Variants in CARMIL3 observed in about 807,000 individuals in gnomAD.
CARMIL3 encodes the protein capping protein regulator and myosin 1 linker 3, also known as capping protein, Arp2/3 and myosin-I linker protein 3.
In CARMIL3, 88 loss-of-function variants were observed where a neutral mutation model predicts 180.8. The observed-to-expected ratio is 0.49, with a 90% confidence interval of 0.41 to 0.58. The LOEUF is 0.58. Ranked by LOEUF, CARMIL3 falls within the 20% of genes least tolerant of loss-of-function variation. The pLI is 0.00. For missense variants in CARMIL3, 1,548 were observed against 1,787.0 expected (o/e 0.87, Z 2.41); for synonymous variants, 696 against 714.5 (o/e 0.97, Z 0.41).
Position 24,061,503 on chromosome 14 carries a change from C to T in CARMIL3, c.2311C>T (p.Leu771=). ...TCCCTTTCCCCCATACTAGGTGATCCTGGAGTCCATGGTCAGCCTGACACA... is the reference window on the plus strand; with the variant it reads ...TCCCTTTCCCCCATACTAGGTGATCTTGGAGTCCATGGTCAGCCTGACACA... The part of the protein sequence containing the change: ...KAVDKELQVI[L]ESMVSLTQEL... Residue 771 remains leucine, a synonymous_variant, in exon 27 of 40, where the codon CTG becomes TTG. Transcript: ENST00000342740. The surrounding 1 kb of genome is among the most constrained non-coding windows in gnomAD (Gnocchi z 4.1). The T allele has an allele frequency of 6.2e-7, 1 of 1,612,754 alleles. No homozygotes were observed. Among genetic ancestry groups the T allele is most frequent in the Non-Finnish European group, 8.5e-7 (1 of 1,179,218 alleles).
At position 24,054,860 on chromosome 14, in the gene CARMIL3, G is replaced by T; in HGVS notation, c.460+52G>T. On this transcript the variant is annotated intron_variant, in intron 6 of 39. Coordinates refer to ENST00000342740, the MANE Select transcript of CARMIL3 (RefSeq NM_138360.4). This position sits in a 1 kb window ranked among gnomAD's most constrained non-coding sequence, Gnocchi z 5.1. Reference sequence around the variant, plus strand: ...TAGGCGCTCCACCATCTTGCCCCATGATCAGAGCCCTTTGTGCACAGGGTG... The same window carrying T: ...TAGGCGCTCCACCATCTTGCCCCATTATCAGAGCCCTTTGTGCACAGGGTG... The T allele has an allele frequency of 6.4e-7, 1 of 1,564,396 alleles. No homozygotes were observed.
Position 24,057,192 on chromosome 14 carries a change from C to A in CARMIL3, c.1088C>A (p.Pro363His). 6.2e-7 allele frequency: 1 copy of A among 1,614,022 alleles called. No homozygotes were observed. The highest frequency in any genetic ancestry group is 2.2e-5 in the East Asian group (1 of 44,878). ...GCCCTCTACAGTTTCCTGGCCCAAC[C>A]CAACGCCCTGGTGCACCTGGACCTG... ...ANALYSFLAQ[P>H]NALVHLDLSG... The change falls in exon 14 of 40, where the codon CCC becomes CAC. Residue 363 changes from proline (P) to histidine (H), a missense_variant. This residue lies in a region of CARMIL3 where 578 missense variants were observed against 666.5 expected (regional missense o/e 0.87). Transcript: ENST00000342740.
rs2035729790 is a variant in CARMIL3, at chr14:24,061,210, G to A, written c.2304+170G>A. 3 of 668,174 alleles carry A rather than the reference G, an allele frequency of 4.5e-6. No individual in the cohort carries two copies. Among genetic ancestry groups the A allele is most frequent in the African/African-American group, 1.8e-5 (1 of 55,200 alleles). 41.4% of individuals were successfully genotyped at this position (668,174 alleles called of 1,614,324 possible). On this transcript the variant is annotated intron_variant, in intron 26 of 39. Transcript: ENST00000342740. The surrounding 1 kb of genome is among the most constrained non-coding windows in gnomAD (Gnocchi z 4.1). ...AAGGCATTGCTGCAATATCAGGCTT[G>A]GATTTTTTTCTGCTAGCTTTGATGT...
At chr14:24,060,531 A>G in intron 24 of CARMIL3, 97 bp from the exon 25 acceptor site, 3 of 1,520,772 alleles carry the variant, frequency 2.0e-6, no homozygotes, top group South Asian at 2.5e-5. Flanking sequence ...CACCTCCACC[A>G]CTGTCGGTGC....
chr14:24,065,830 TG>T, intron 34 of CARMIL3, 80 bp downstream of exon 34: 9 of 1,556,928 alleles, frequency 5.8e-6, no homozygotes, highest in Non-Finnish European at 3.5e-6. Context: ...CCCTCATCCC[TG>T]GTGGTTCAGT....
Position 24,064,990 on chromosome 14 carries a change from G to A in CARMIL3, c.3113G>A (p.Gly1038Glu). ...CGGACTCTGAGGACCGTGCGGCCAG[G>A]ACTCTCGGAGGCACCGCTGCCTCCA... ...YPRTLRTVRP[G>E]LSEAPLPPLQ... is the part of the protein sequence containing the mutation. Residue 1038 changes from glycine to glutamate, a missense_variant, in exon 33 of 40, where the codon GGA (glycine) becomes GAA (glutamate). Coordinates refer to ENST00000342740, the MANE Select transcript of CARMIL3 (RefSeq NM_138360.4). The A allele has an allele frequency of 1.9e-6, 3 of 1,612,306 alleles. No homozygotes were observed. Among genetic ancestry groups the A allele is most frequent in the Non-Finnish European group, 2.5e-6 (3 of 1,179,642 alleles).
rs745407848 is a variant in CARMIL3, at chr14:24,062,751, G to A, written c.2611G>A (p.Gly871Arg). ...TQLRTLSDPP[G>R]CPGQGQDLSS... ...GCTAAGGACGCTGTCAGATCCACCA[G>A]GGTGCCCAGGCCAAGGGCAGGATCT... Residue 871 changes from glycine (G) to arginine (R), a missense_variant, in exon 29 of 40, where the codon GGG becomes AGG. Physicochemically the swap from Gly to Arg is moderately radical, Grantham distance 125 (BLOSUM62 -2). Coordinates refer to ENST00000342740, the MANE Select transcript of CARMIL3 (RefSeq NM_138360.4). 2 of 1,613,454 alleles carry A rather than the reference G, an allele frequency of 1.2e-6. No individual in the cohort carries two copies. The highest frequency in any genetic ancestry group is 1.3e-5 in the African/African-American group (1 of 75,062).
In CARMIL3 at chr14:24,060,715, T is replaced by C. The variant is rs2035724243; in HGVS notation, c.2149T>C (p.Tyr717His). 2.5e-6 allele frequency: 4 copies of C among 1,614,068 alleles called. No homozygotes were observed. In the East Asian group the frequency reaches 8.9e-5, roughly 36 times the overall value. Reference sequence around the variant, plus strand: ...GGAGCCTGTGCAGGATGAGCTACTCTACGCTCGGGACCTCATCAAAGATGC... The same window carrying C: ...GGAGCCTGTGCAGGATGAGCTACTCCACGCTCGGGACCTCATCAAAGATGC... ...PLEPVQDELL[Y>H]ARDLIKDAKN... Residue 717 changes from tyrosine (Y) to histidine (H), a missense_variant, in exon 25 of 40, where the codon TAC (tyrosine) becomes CAC (histidine). Tyr to His is a moderately conservative substitution (Grantham distance 83, BLOSUM62 2). Transcript: ENST00000342740.
intron 24 of CARMIL3, 40 bp downstream of exon 24, chr14:24,060,295 A>C (rs779704009): frequency 2.2e-5 from 35 of 1,604,028 alleles, no homozygotes; most frequent in Non-Finnish European, 3.0e-5. Flanking sequence ...TACCCGGGGC[A>C]TGCAGGGCAC....
chr14:24,059,802 C>T lies in CARMIL3; in HGVS notation c.1868+70C>T. 1.3e-6 allele frequency: 2 copies of T among 1,568,628 alleles called. No individual in the cohort carries two copies. The highest frequency in any genetic ancestry group is 1.1e-5 in the South Asian group (1 of 89,858). ...CTGTGCCTGGATCAGGCCTGAACTA[C>T]TCTTGCCCCACCCTAGCCCCTTTGA... On this transcript the variant is annotated intron_variant, in intron 22 of 39. Transcript: ENST00000342740. This position sits in a 1 kb window ranked among gnomAD's most constrained non-coding sequence, Gnocchi z 6.3.
chr14:24,067,990 A>C (rs1451970448), intron 36 of CARMIL3, among the ~76,000 whole-genome samples: 1 of 152,262 alleles, frequency 6.6e-6, no homozygotes, highest in African/African-American at 2.4e-5. Flanking sequence ...CTGCCCCAGC[A>C]GGAAAGGGGT....
chr14:24,062,306 G>A lies in CARMIL3; in HGVS notation c.2481-174G>A, dbSNP rs1234714819. The A allele has an allele frequency of 1.0e-5, 7 of 667,850 alleles. No homozygotes were observed. In the East Asian group the frequency reaches 1.8e-4, roughly 17 times the overall value. 41.4% of individuals were successfully genotyped at this position (667,850 alleles called of 1,614,324 possible). On this transcript the variant is annotated intron_variant, in intron 27 of 39. Coordinates refer to ENST00000342740, the MANE Select transcript of CARMIL3 (RefSeq NM_138360.4). ...GGGGTGGGACTAGACGTGTATTTGT[G>A]GAGAAATGAGTGTCAAGGGCTAGGC...
Position 24,061,391 on chromosome 14 carries a change from C to T in CARMIL3, c.2305-106C>T, listed in dbSNP as rs1345060157. ...ACAGTTTTGTGACTTAGGCAGGTCC[C>T]TCAGTCTCAGCAGGAGGGGCTGGAA... On this transcript the variant is annotated intron_variant, in intron 26 of 39. Coordinates refer to ENST00000342740, the MANE Select transcript of CARMIL3 (RefSeq NM_138360.4). This position sits in a 1 kb window ranked among gnomAD's most constrained non-coding sequence, Gnocchi z 4.1. 8.3e-7 allele frequency: 1 copy of T among 1,205,380 alleles called. No homozygotes were observed. The highest frequency in any genetic ancestry group is 1.5e-5 in the African/African-American group (1 of 65,198). 74.7% of individuals were successfully genotyped at this position (1,205,380 alleles called of 1,614,324 possible).
intron 1 of CARMIL3, 69 bp downstream of exon 1, chr14:24,052,262 G>A (rs2035624464): frequency 6.8e-7 from 1 of 1,479,310 alleles, no homozygotes; most frequent in Non-Finnish European, 9.1e-7. Flanking sequence ...GTTCCTCCCC[G>A]TGGTGCATCC....
At position 24,063,833 on chromosome 14, in the gene CARMIL3, G is replaced by A. The variant is rs1304454908; in HGVS notation, c.2979+300G>A. On this transcript the variant is annotated intron_variant, in intron 31 of 39. Coordinates refer to ENST00000342740, the MANE Select transcript of CARMIL3 (RefSeq NM_138360.4). The stretch of plus-strand genomic sequence containing the variant: ...TAGGTGAGCTGGGCATGGTGGCTCA[G>A]GCCTGTAATCCCAGCACTTTGGGAG... Among the ~76,000 whole-genome samples the A allele has an allele frequency of 9.9e-5, 15 of 152,164 alleles. No individual in the cohort carries two copies. The South Asian group carries it at 2.7e-3, about 27-fold the overall frequency.
chr14:24,055,191 A>C, intron 7 of CARMIL3, 46 bp from the exon 8 acceptor site: 1 of 1,613,938 alleles, frequency 6.2e-7, no homozygotes, highest in Non-Finnish European at 8.5e-7. Flanking sequence ...GGAAGGGGCT[A>C]AGAAGGAAGT....
chr14:24,066,640 G>A lies in CARMIL3; in HGVS notation c.3666G>A (p.Glu1222=). The change falls in exon 36 of 40, where the codon GAG becomes GAA. Residue 1222 remains glutamate, a synonymous_variant. Transcript: ENST00000342740. The part of the protein sequence containing the change: ...KPSFSAMRRA[E]ATWHIAEESA... ...GCTTCAGCGCCATGCGCAGAGCAGAGGCCACATGGCACATAGGTATGGAAA... is the reference window on the plus strand; with the variant it reads ...GCTTCAGCGCCATGCGCAGAGCAGAAGCCACATGGCACATAGGTATGGAAA... The A allele has an allele frequency of 6.2e-7, 1 of 1,614,180 alleles. No homozygotes were observed. Among genetic ancestry groups the A allele is most frequent in the Middle Eastern group, 1.6e-4 (1 of 6,062 alleles).
In CARMIL3 at chr14:24,054,154, G is replaced by A; in HGVS notation, c.186+16G>A. Reference sequence around the variant, plus strand: ...CCCGGCCAAGGTGAGTTGGGCTGAGGAGCAGGAGAGCACCTGGCATGCTCC... The same window carrying A: ...CCCGGCCAAGGTGAGTTGGGCTGAGAAGCAGGAGAGCACCTGGCATGCTCC... On this transcript the variant is annotated intron_variant, in intron 3 of 39. Transcript: ENST00000342740. This position sits in a 1 kb window ranked among gnomAD's most constrained non-coding sequence, Gnocchi z 5.1. 1 of 1,614,180 alleles carries A rather than the reference G, an allele frequency of 6.2e-7. No individual in the cohort carries two copies. Among genetic ancestry groups the A allele is most frequent in the South Asian group, 1.1e-5 (1 of 91,080 alleles).
At chr14:24,056,240 C>T (rs2035670370) in intron 10 of CARMIL3, 59 bp from the exon 11 acceptor site, 1 of 1,429,288 alleles carries the variant, frequency 7.0e-7, no homozygotes, top group African/African-American at 1.4e-5. Flanking sequence ...GGAGGGGAAG[C>T]CCAGAGGCTG....
Sources: gnomAD v4.1 joint callset for allele counts (sites outside exome capture counted in the v4.1 genomes callset) on GRCh38, gnomAD v4.1.1 for gene constraint, gnomAD v4.1.1 regional missense constraint, Gnocchi (gnomAD v3.1) non-coding constraint, MANE v1.5 for transcripts, NCBI Gene and HGNC (gene_info 2026-07-23, HGNC 2026-07-21) for gene names.